Variants in KCNQ3 observed in about 807,000 individuals in gnomAD.
KCNQ3 encodes potassium voltage-gated channel subfamily Q member 3.
Under a neutral mutation model 92.5 loss-of-function variants are expected in KCNQ3, and 30 were observed. The observed-to-expected ratio is 0.32, with a 90% CI of 0.24 to 0.44. The LOEUF (loss-of-function observed/expected upper bound fraction) is 0.44. Ranked by LOEUF, KCNQ3 falls within the 20% of genes least tolerant of loss-of-function variation. KCNQ3 has a pLI of 1.00. For missense variants in KCNQ3, 913 were observed against 1,140.3 expected (o/e 0.80, Z 2.87); for synonymous variants, 450 against 468.8 (o/e 0.96, Z 0.52).
intron 1 of KCNQ3, among the ~76,000 whole-genome samples, chr8:132,328,708 A>T (rs544771938): frequency 2.0e-5 from 3 of 151,818 alleles, no homozygotes; most frequent in Non-Finnish European, 4.4e-5. Context: ...TTTTTACAAT[A>T]CTCCGTATCT....
intron 11 of KCNQ3, among the ~76,000 whole-genome samples, chr8:132,138,615 T>C (rs1351045762): frequency 6.6e-6 from 1 of 152,204 alleles, no homozygotes; most frequent in African/African-American, 2.4e-5. Flanking sequence ...AACTGGTAGA[T>C]GAAATCAAAG....
rs1824588753 is a variant in KCNQ3, at chr8:132,124,219, G to C, written c.*5043C>G. ...AGATGTACTTATTTAAAAAGCAATT[G>C]TGAAAGCATTTGATTTAATAATTAG... is the stretch of plus-strand genomic sequence containing the variant. On this transcript the variant is annotated 3_prime_UTR_variant, in exon 15 of 15. Coordinates refer to ENST00000388996, the MANE Select transcript of KCNQ3 (RefSeq NM_004519.4). 2 of 152,120 alleles carry C rather than the reference G, an allele frequency of 1.3e-5. No individual in the cohort carries two copies. Among genetic ancestry groups the C allele is most frequent in the African/African-American group, 4.8e-5 (2 of 41,406 alleles). 9.4% of individuals were successfully genotyped at this position (152,120 alleles called of 1,614,324 possible). A position where few individuals can be genotyped will look rare whatever the true frequency, so the allele number is the denominator to read the frequency against.
chr8:132,317,552 C>T (rs898947631), intron 1 of KCNQ3, among the ~76,000 whole-genome samples: 4 of 152,164 alleles, frequency 2.6e-5, no homozygotes, highest in Non-Finnish European at 5.9e-5. Flanking sequence ...GTGGTGCTAC[C>T]TGTGGTGTCC....
intron 1 of KCNQ3, among the ~76,000 whole-genome samples, chr8:132,373,381 C>T (rs746111762): frequency 6.6e-6 from 1 of 152,116 alleles, no homozygotes; most frequent in Non-Finnish European, 1.5e-5. Flanking sequence ...CCTTAAAACG[C>T]TACCAGATAT....
intron 1 of KCNQ3, among the ~76,000 whole-genome samples, chr8:132,349,997 G>A (rs928673723): frequency 6.6e-6 from 1 of 152,150 alleles, no homozygotes; most frequent in African/African-American, 2.4e-5. Context: ...TTCATGGATG[G>A]GGAAACATGT....
At chr8:132,468,115 A>T (rs1296575981) in intron 1 of KCNQ3, among the ~76,000 whole-genome samples, 2 of 152,228 alleles carry the variant, frequency 1.3e-5, no homozygotes. Flanking sequence ...GATTAGTGTG[A>T]TTAGACTTGC....
intron 1 of KCNQ3, among the ~76,000 whole-genome samples, chr8:132,274,431 T>C (rs1816261256): frequency 6.6e-6 from 1 of 152,186 alleles, no homozygotes; most frequent in African/African-American, 2.4e-5. Context: ...TTGTGGGAGT[T>C]ACAATTCAAG....
intron 1 of KCNQ3, among the ~76,000 whole-genome samples, chr8:132,203,253 CT>C (rs1407216355): frequency 6.6e-6 from 1 of 152,122 alleles, no homozygotes; most frequent in Non-Finnish European, 1.5e-5. Flanking sequence ...ATCACATGCA[CT>C]TTAGGAGACA....
At position 132,333,115 on chromosome 8, in the gene KCNQ3, C is replaced by A. The variant is rs548830110; in HGVS notation, c.387-146934G>T. ...TCCTTAGTAGACAGGGTTCCATTGG[C>A]ATTCATCCTCAGTGCTATCCTTCTG... On this transcript the variant is annotated intron_variant, in intron 1 of 14. Coordinates refer to ENST00000388996, the MANE Select transcript of KCNQ3 (RefSeq NM_004519.4). 2.6e-5 allele frequency among the ~76,000 whole-genome samples: 4 copies of A among 152,260 alleles called. No individual in the cohort carries two copies. In the South Asian group the frequency reaches 8.3e-4, roughly 32 times the overall value.
Position 132,172,750 on chromosome 8 carries a change from G to A in KCNQ3, c.1045-57C>T, listed in dbSNP as rs111310010. ...CCAGCTAGACTGTCCCAGCATTCCC[G>A]CTCCATTGCCAGGGTAATGGGGACT... On this transcript the variant is annotated intron_variant, in intron 6 of 14. Coordinates refer to ENST00000388996, the MANE Select transcript of KCNQ3 (RefSeq NM_004519.4). 6.7e-4 allele frequency: 856 copies of A among 1,269,270 alleles called. 1 individual carries two copies. In the African/African-American group the frequency reaches 0.01, roughly 15 times the overall value. The allele number at this position is 1,269,270 out of a possible 1,614,324, so 78.6% of individuals were successfully genotyped here.
At chr8:132,393,644 C>T (rs1820108794) in intron 1 of KCNQ3, among the ~76,000 whole-genome samples, 1 of 152,090 alleles carries the variant, frequency 6.6e-6, no homozygotes, top group Non-Finnish European at 1.5e-5. Context: ...ATCAATTTAC[C>T]GCATGTCAGG....
intron 1 of KCNQ3, among the ~76,000 whole-genome samples, chr8:132,418,027 C>T (rs575644274): frequency 6.6e-6 from 1 of 152,128 alleles, no homozygotes; most frequent in East Asian, 1.9e-4. Flanking sequence ...AGCCACACCC[C>T]CCTCATCTTC....
At chr8:132,161,367 G>A (rs1339836772) in intron 9 of KCNQ3, among the ~76,000 whole-genome samples, 1 of 152,184 alleles carries the variant, frequency 6.6e-6, no homozygotes, top group East Asian at 1.9e-4. Context: ...GGTGGCTCAT[G>A]CCTGTAATCC....
At chr8:132,230,863 C>T (rs1814624273) in intron 1 of KCNQ3, among the ~76,000 whole-genome samples, 1 of 152,084 alleles carries the variant, frequency 6.6e-6, no homozygotes, top group Non-Finnish European at 1.5e-5. Context: ...ACTGTGTCCT[C>T]CTCAAAAAAA....
intron 1 of KCNQ3, among the ~76,000 whole-genome samples, chr8:132,459,671 A>G (rs1035489509): frequency 4.6e-5 from 7 of 152,054 alleles, no homozygotes; most frequent in Non-Finnish European, 1.0e-4. Flanking sequence ...CAAATATCCA[A>G]ACTATAACAC....
intron 1 of KCNQ3, among the ~76,000 whole-genome samples, chr8:132,463,528 G>A (rs758740151): frequency 2.0e-5 from 3 of 152,220 alleles, no homozygotes; most frequent in Non-Finnish European, 2.9e-5. Context: ...TAAGCCGAGT[G>A]TGTGGTTGGG....
At chr8:132,285,818 G>T (rs998822770) in intron 1 of KCNQ3, among the ~76,000 whole-genome samples, 4 of 152,188 alleles carry the variant, frequency 2.6e-5, no homozygotes, top group Admixed American at 6.5e-5. Flanking sequence ...GGTTTTCTGG[G>T]ATTGACCCAG....
intron 1 of KCNQ3, among the ~76,000 whole-genome samples, chr8:132,429,861 C>CAAAAAAA (rs374921143): frequency 6.2e-5 from 4 of 64,086 alleles, no homozygotes; most frequent in Admixed American, 3.5e-4. Context: ...AACTCCTTCT[C>CAAAAAAA]AAAAAAAAAA....
In KCNQ3 at chr8:132,480,542, C is replaced by A; in HGVS notation, c.-10G>T. On this transcript the variant is annotated 5_prime_UTR_variant, in exon 1 of 15. Coordinates refer to ENST00000388996, the MANE Select transcript of KCNQ3 (RefSeq NM_004519.4). ...GCGCCTTGAGCCCCATCTGCCTCGC[C>A]CCCGCCGGCCGCTTCGCCTTCTCCG... The A allele has an allele frequency of 8.0e-7, 1 of 1,252,854 alleles. No individual in the cohort carries two copies. The highest frequency in any genetic ancestry group is 1.0e-6 in the Non-Finnish European group (1 of 977,860). 77.6% of individuals were successfully genotyped at this position (1,252,854 alleles called of 1,614,324 possible).
Sources: allele counts gnomAD v4.1 joint callset (sites outside exome capture counted in the v4.1 genomes callset), GRCh38; gene constraint gnomAD v4.1.1; transcripts MANE v1.5; gene names NCBI Gene and HGNC (gene_info 2026-07-23, HGNC 2026-07-21).